The following COL23A1 variants were observed in gnomAD, a reference collection of about 807,000 sequenced individuals.
COL23A1 encodes collagen type XXIII alpha 1 chain, also known as collagen alpha-1(XXIII) chain.
A neutral mutation model predicts 99.3 loss-of-function variants in COL23A1; 97 were observed. That is an observed-to-expected ratio of 0.98 (90% CI 0.83 to 1.16). The LOEUF is 1.16. COL23A1 is among the 50% of genes most tolerant of loss of function. The pLI is 0.00. For synonymous variants in COL23A1, 320 were observed against 308.2 expected (o/e 1.04, Z -0.40); for missense variants, 762 against 757.4 (o/e 1.01, Z -0.07).
At chr5:178,537,031 G>A (rs992825439) in intron 2 of COL23A1, among the ~76,000 whole-genome samples, 1 of 152,226 alleles carries the variant, frequency 6.6e-6, no homozygotes. Flanking sequence ...GTCCACTCCT[G>A]CTTACCTTCC....
At chr5:178,303,441 C>G (rs1284429884) in intron 3 of COL23A1, among the ~76,000 whole-genome samples, 2 of 152,242 alleles carry the variant, frequency 1.3e-5, no homozygotes, top group Admixed American at 6.5e-5. Flanking sequence ...CTGTTCATTT[C>G]CAGAGTTCTG....
At chr5:178,420,120 C>T (rs1230379975) in intron 2 of COL23A1, among the ~76,000 whole-genome samples, 2 of 152,166 alleles carry the variant, frequency 1.3e-5, no homozygotes, top group Non-Finnish European at 2.9e-5. Context: ...AAAAGCTGAA[C>T]CAAGAACTGT....
intron 1 of COL23A1, among the ~76,000 whole-genome samples, chr5:178,570,381 G>C (rs1419332910): frequency 6.6e-6 from 1 of 152,078 alleles, no homozygotes; most frequent in African/African-American, 2.4e-5. Context: ...GAAGTGCTGG[G>C]ATTATAGGTG....
At chr5:178,425,422 A>AAATAAAT (rs1561960883) in intron 2 of COL23A1, among the ~76,000 whole-genome samples, 2 of 142,908 alleles carry the variant, frequency 1.4e-5, no homozygotes, top group Non-Finnish European at 3.1e-5. Context: ...ACTCCATCTC[A>AAATAAAT]AAATAAATAA....
At chr5:178,574,383 A>G (rs560608543) in intron 1 of COL23A1, among the ~76,000 whole-genome samples, 179 of 152,268 alleles carry the variant, frequency 1.2e-3, no homozygotes, top group Non-Finnish European at 2.1e-3. Context: ...ATTGTGTGTA[A>G]ATTATATCCT....
At chr5:178,467,933 G>A (rs1321498588) in intron 2 of COL23A1, among the ~76,000 whole-genome samples, 2 of 152,172 alleles carry the variant, frequency 1.3e-5, no homozygotes, top group East Asian at 3.9e-4. Context: ...GCGCTGCAGA[G>A]GCGTTAGCGA....
intron 2 of COL23A1, among the ~76,000 whole-genome samples, chr5:178,371,882 C>T (rs1762818916): frequency 6.6e-6 from 1 of 152,244 alleles, no homozygotes; most frequent in African/African-American, 2.4e-5. Flanking sequence ...TGAAATCCTT[C>T]TGACTCAGCT....
intron 2 of COL23A1, among the ~76,000 whole-genome samples, chr5:178,390,160 T>C (rs1296209462): frequency 1.3e-5 from 2 of 152,194 alleles, no homozygotes; most frequent in African/African-American, 4.8e-5. Flanking sequence ...CCCATGGACA[T>C]TCTCACCCCA....
intron 2 of COL23A1, among the ~76,000 whole-genome samples, chr5:178,498,470 CTATT>C (rs1225828437): frequency 6.6e-6 from 1 of 150,746 alleles, no homozygotes; most frequent in Non-Finnish European, 1.5e-5. Flanking sequence ...GTGCATCTTA[CTATT>C]TATTAAGTTT....
At chr5:178,372,464 A>G (rs149283297) in intron 2 of COL23A1, among the ~76,000 whole-genome samples, 1 of 152,378 alleles carries the variant, frequency 6.6e-6, no homozygotes, top group African/African-American at 2.4e-5. Flanking sequence ...GGGAAAAAAC[A>G]GGGCTGGAGA....
At chr5:178,269,526 CCCACCCATCTAT>C (rs1222449965) in intron 6 of COL23A1, among the ~76,000 whole-genome samples, 2 of 110,432 alleles carry the variant, frequency 1.8e-5, no homozygotes, top group East Asian at 3.6e-4. Flanking sequence ...CACCCATCCA[CCCACCCATCTAT>C]CCACCCATCC....
At chr5:178,463,757 G>A (rs1353890793) in intron 2 of COL23A1, among the ~76,000 whole-genome samples, 3 of 152,218 alleles carry the variant, frequency 2.0e-5, no homozygotes, top group Non-Finnish European at 2.9e-5. Flanking sequence ...GGATGGGAAC[G>A]GACGTTTTGT....
At chr5:178,356,532 G>A (rs1308461932) in intron 2 of COL23A1, among the ~76,000 whole-genome samples, 1 of 152,140 alleles carries the variant, frequency 6.6e-6, no homozygotes, top group Non-Finnish European at 1.5e-5. Flanking sequence ...GGGGTGGGAG[G>A]AGGCATTCTG....
chr5:178,267,599 C>T (rs1331312139), intron 7 of COL23A1, among the ~76,000 whole-genome samples: 2 of 152,142 alleles, frequency 1.3e-5, no homozygotes, highest in East Asian at 1.9e-4. Context: ...CCCAGCCATT[C>T]GAGGCCCCAG....
chr5:178,408,487 T>C (rs1397888310), intron 2 of COL23A1, among the ~76,000 whole-genome samples: 1 of 152,126 alleles, frequency 6.6e-6, no homozygotes, highest in East Asian at 1.9e-4. Flanking sequence ...CACCGTCTAG[T>C]GTGGTTCTCA....
At chr5:178,540,203 TA>T (rs1354058708) in intron 2 of COL23A1, among the ~76,000 whole-genome samples, 1 of 152,088 alleles carries the variant, frequency 6.6e-6, no homozygotes, top group Non-Finnish European at 1.5e-5. Flanking sequence ...ACAAAAGGCA[TA>T]AGAATTGGAA....
At chr5:178,525,130 A>G (rs79505655) in intron 2 of COL23A1, among the ~76,000 whole-genome samples, 3 of 3,658 alleles carry the variant, frequency 8.2e-4, no homozygotes, top group African/African-American at 3.9e-3. Context: ...CGCAGACCCC[A>G]GGACCCGAAG....
intron 2 of COL23A1, among the ~76,000 whole-genome samples, chr5:178,519,059 C>G (rs1240079534): frequency 8.2e-4 from 125 of 151,748 alleles, no homozygotes; most frequent in Non-Finnish European, 1.3e-3. Context: ...CCAACCACCA[C>G]CCGCGGCCAC....
intron 2 of COL23A1, among the ~76,000 whole-genome samples, chr5:178,342,126 C>A (rs1342554949): frequency 6.6e-6 from 1 of 152,194 alleles, no homozygotes; most frequent in African/African-American, 2.4e-5. Context: ...TGCTTTGATT[C>A]CTTTGCTGAA....
Sources: gnomAD v4.1 joint callset for allele counts (sites outside exome capture counted in the v4.1 genomes callset) on GRCh38, gnomAD v4.1.1 for gene constraint, MANE v1.5 for transcripts, NCBI Gene and HGNC (gene_info 2026-07-23, HGNC 2026-07-21) for gene names.